The following GRM7 variants were observed in gnomAD, a reference collection of about 807,000 sequenced individuals.
The protein encoded by GRM7 is glutamate metabotropic receptor 7.
Under a neutral mutation model 84.5 loss-of-function variants are expected in GRM7, and 35 were observed. The observed-to-expected ratio is 0.41, with a 90% CI of 0.32 to 0.55. The LOEUF is 0.55. Ranked by LOEUF, GRM7 falls within the 20% of genes least tolerant of loss-of-function variation. The probability of loss-of-function intolerance (pLI) is 0.19; values close to 1 mark genes in which losing one functional copy is unlikely to be tolerated. For missense variants in GRM7, 1,003 were observed against 1,194.6 expected, an observed-to-expected ratio of 0.84 and a Z score of 2.36; for synonymous variants, 487 against 455.1, an observed-to-expected ratio of 1.07 and a Z score of -0.89.
At chr3:7,252,198 A>C (rs558294487) in intron 2 of GRM7, among the ~76,000 whole-genome samples, 3 of 152,304 alleles carry the variant, frequency 2.0e-5, no homozygotes, top group South Asian at 4.1e-4. Flanking sequence ...TGTTACCGAG[A>C]GGCAAGTGCT....
intron 2 of GRM7, among the ~76,000 whole-genome samples, chr3:7,218,950 A>C (rs562977467): frequency 1.3e-4 from 20 of 152,200 alleles, no homozygotes; most frequent in Admixed American, 4.6e-4. Flanking sequence ...CCCATCATTT[A>C]TTGATAATAT....
chr3:7,173,679 T>C (rs1015298616), intron 2 of GRM7, among the ~76,000 whole-genome samples: 1 of 152,086 alleles, frequency 6.6e-6, no homozygotes, highest in Non-Finnish European at 1.5e-5. Context: ...TCCTATTCCT[T>C]CTGCCTAAAA....
intron 3 of GRM7, among the ~76,000 whole-genome samples, chr3:7,301,773 CT>C (rs1231713007): frequency 1.3e-4 from 17 of 135,262 alleles, no homozygotes; most frequent in Middle Eastern, 4.0e-3. Context: ...AAAATTTATT[CT>C]AAAACATGAT....
intron 8 of GRM7, among the ~76,000 whole-genome samples, chr3:7,612,755 T>C (rs1463738008): frequency 6.6e-6 from 1 of 152,146 alleles, no homozygotes; most frequent in Non-Finnish European, 1.5e-5. Context: ...TGGGAAGAAT[T>C]AGATTTTAGA....
intron 1 of GRM7, among the ~76,000 whole-genome samples, chr3:7,071,319 C>G (rs1697874898): frequency 6.6e-6 from 1 of 152,124 alleles, no homozygotes; most frequent in South Asian, 2.1e-4. Context: ...TAACTTTTGA[C>G]TTCTCTCAAA....
At chr3:7,413,151 T>G (rs59293323) in intron 4 of GRM7, among the ~76,000 whole-genome samples, 7,080 of 152,236 alleles carry the variant, frequency 0.047, 477 homozygotes, top group African/African-American at 0.15. Context: ...GGAACTACAA[T>G]GACAGACCAA....
chr3:7,446,721 A>G (rs1444487803), intron 5 of GRM7, among the ~76,000 whole-genome samples: 1 of 151,830 alleles, frequency 6.6e-6, no homozygotes, highest in Non-Finnish European at 1.5e-5. Flanking sequence ...CGGCCTCCCA[A>G]AGTGCTGGGA....
At chr3:7,063,105 A>G (rs976737460) in intron 1 of GRM7, among the ~76,000 whole-genome samples, 7 of 151,692 alleles carry the variant, frequency 4.6e-5, no homozygotes, top group Non-Finnish European at 7.4e-5. Context: ...GCTGAATGTC[A>G]TATTTTTAAA....
intron 9 of GRM7, among the ~76,000 whole-genome samples, chr3:7,690,807 T>G (rs187560309): frequency 6.6e-6 from 1 of 152,354 alleles, no homozygotes; most frequent in Admixed American, 6.5e-5. Context: ...GGTGGTTTTC[T>G]GACTGTTGAG....
chr3:7,420,525 T>A (rs1696351246), intron 5 of GRM7, among the ~76,000 whole-genome samples: 1 of 152,146 alleles, frequency 6.6e-6, no homozygotes, highest in Non-Finnish European at 1.5e-5. Context: ...TGCCACAGAT[T>A]AATGATGATT....
rs368602626 is a variant in GRM7, at chr3:7,012,770, C to G, written c.520-133682C>G. On this transcript the variant is annotated intron_variant, in intron 1 of 9. Coordinates refer to ENST00000357716, the MANE Select transcript of GRM7 (RefSeq NM_000844.4). ...GTGTGTTTGTTTACTGAGACAGGTT[C>G]TCACTCTGTTACCCAGCTGGAGTGC... is the stretch of plus-strand genomic sequence containing the variant. Among the ~76,000 whole-genome samples the G allele has an allele frequency of 2.4e-4, 36 of 152,292 alleles. No individual in the cohort carries two copies. The South Asian group carries it at 7.5e-3, about 32-fold the overall frequency.
chr3:7,496,556 A>G (rs116629058), intron 7 of GRM7, among the ~76,000 whole-genome samples: 1,740 of 152,298 alleles, frequency 0.011, 30 homozygotes, highest in African/African-American at 0.04. Flanking sequence ...AGATCTTATA[A>G]TGAAAAAAAT....
At position 7,383,405 on chromosome 3, in the gene GRM7, G is replaced by A. The variant is rs571445719; in HGVS notation, c.1034-31618G>A. On this transcript the variant is annotated intron_variant, in intron 4 of 9. Coordinates refer to ENST00000357716, the MANE Select transcript of GRM7 (RefSeq NM_000844.4). Reference sequence around the variant, plus strand: ...TGGAGGGATAGAAATTAAGCTTTGTGATCCAAACAGATATTTAAAAATGAA... The same window carrying A: ...TGGAGGGATAGAAATTAAGCTTTGTAATCCAAACAGATATTTAAAAATGAA... 7.2e-5 allele frequency among the ~76,000 whole-genome samples: 11 copies of A among 152,220 alleles called. No homozygotes were observed. In the South Asian group the frequency reaches 2.1e-3, roughly 29 times the overall value.
At chr3:7,199,896 T>C (rs181505976) in intron 2 of GRM7, among the ~76,000 whole-genome samples, 67 of 152,292 alleles carry the variant, frequency 4.4e-4, no homozygotes, top group African/African-American at 1.5e-3. Flanking sequence ...TCTTGGTCCA[T>C]TTTGTGTTGC....
In GRM7 at chr3:7,713,385, G is replaced by A. The variant is rs188364048; in HGVS notation, c.2699-26972G>A. The stretch of plus-strand genomic sequence containing the variant: ...CTCCTGACCTCAAGTGATCCCACCC[G>A]CCTCAGTCTCCCAAAGTGCTGAGAT... On this transcript the variant is annotated intron_variant, in intron 9 of 9. Coordinates refer to ENST00000357716, the MANE Select transcript of GRM7 (RefSeq NM_000844.4). 1.9e-3 allele frequency among the ~76,000 whole-genome samples: 294 copies of A among 151,954 alleles called. 1 individual carries two copies. The highest frequency in any genetic ancestry group is 5.4e-3 in the Admixed American group (82 of 15,244).
chr3:7,227,510 T>A (rs1697022325), intron 2 of GRM7, among the ~76,000 whole-genome samples: 1 of 152,156 alleles, frequency 6.6e-6, no homozygotes. Context: ...TTTCAGTACA[T>A]CTTTGCACAA....
At chr3:7,661,089 CGTGAACA>C (rs1020803883) in intron 8 of GRM7, among the ~76,000 whole-genome samples, 1 of 152,122 alleles carries the variant, frequency 6.6e-6, no homozygotes, top group Non-Finnish European at 1.5e-5. Flanking sequence ...ACAATTTATA[CGTGAACA>C]GATTAACTGG....
chr3:7,019,724 A>G (rs532644596), intron 1 of GRM7, among the ~76,000 whole-genome samples: 43 of 152,304 alleles, frequency 2.8e-4, no homozygotes, highest in African/African-American at 1.0e-3. Flanking sequence ...CTGTGATGTG[A>G]AAGTGTAGCC....
intron 5 of GRM7, among the ~76,000 whole-genome samples, chr3:7,438,585 G>A (rs1026592528): frequency 1.3e-5 from 2 of 152,064 alleles, no homozygotes; most frequent in Non-Finnish European, 2.9e-5. Flanking sequence ...AACCAGAAGG[G>A]GCAAGCAGAC....
Sources: gnomAD v4.1 joint callset for allele counts (sites outside exome capture counted in the v4.1 genomes callset) on GRCh38, gnomAD v4.1.1 for gene constraint, MANE v1.5 for transcripts, NCBI Gene and HGNC (gene_info 2026-07-23, HGNC 2026-07-21) for gene names.